The following KDM1A variants were observed in gnomAD, a reference collection of about 807,000 sequenced individuals.
The protein encoded by KDM1A is lysine-specific histone demethylase 1A.
A neutral mutation model predicts 109.4 loss-of-function variants in KDM1A; 49 were observed. The observed-to-expected ratio is 0.45, with a 90% CI of 0.36 to 0.57. KDM1A has a LOEUF of 0.57. Ranked by LOEUF, KDM1A falls within the 20% of genes least tolerant of loss-of-function variation. The pLI, the probability that KDM1A is intolerant of heterozygous loss-of-function variation, is 0.00. For missense variants in KDM1A, 668 were observed against 1,116.6 expected, an observed-to-expected ratio of 0.60 and a Z score of 5.73; for synonymous variants, 380 against 415.4, an observed-to-expected ratio of 0.91 and a Z score of 1.04.
Position 23,019,887 on chromosome 1 carries a change from G to A in KDM1A, c.291G>A (p.Met97Ile). The A allele has an allele frequency of 6.4e-7, 1 of 1,566,280 alleles. No individual in the cohort carries two copies. The highest frequency in any genetic ancestry group is 8.6e-7 in the Non-Finnish European group (1 of 1,159,086). Residue 97 changes from methionine to isoleucine, a missense_variant, in exon 1 of 21, where the codon ATG becomes ATA. By Grantham distance (10) the Met-to-Ile change is conservative (BLOSUM62 1). This residue lies in a region of KDM1A where 156 missense variants were observed against 163.4 expected (regional missense o/e 0.95). Coordinates refer to ENST00000400181, the MANE Select transcript of KDM1A (RefSeq NM_001009999.3). ...TCGTGCCTGGGTCTGCGACCCCCAT[G>A]GAAACTGGAATAGCAGAGACTCCGG... Reference protein sequence around the residue: ...PTVVPGSATPMETGIAETPEG... With the variant: ...PTVVPGSATPIETGIAETPEG...
chr1:23,028,956 G>A (rs1466180649), intron 1 of KDM1A, among the ~76,000 whole-genome samples: 2 of 152,110 alleles, frequency 1.3e-5, no homozygotes, highest in African/African-American at 4.8e-5. Context: ...ATTTGAGTAG[G>A]TGAATACAAT....
Position 23,059,173 on chromosome 1 carries a change from T to C in KDM1A, c.1167+6T>C. On this transcript the variant is annotated splice_donor_region_variant and intron_variant, in intron 9 of 20. Coordinates refer to ENST00000400181, the MANE Select transcript of KDM1A (RefSeq NM_001009999.3). The stretch of plus-strand genomic sequence containing the variant: ...ATGAAGCCAACGGACAAGCTGTAAG[T>C]CGAGGACAAACAGAACTTTCAACAT... 6.2e-7 allele frequency: 1 copy of C among 1,607,964 alleles called. No individual in the cohort carries two copies. The highest frequency in any genetic ancestry group is 8.5e-7 in the Non-Finnish European group (1 of 1,176,150).
At chr1:23,025,248 CA>C (rs1461036030) in intron 1 of KDM1A, among the ~76,000 whole-genome samples, 2 of 151,742 alleles carry the variant, frequency 1.3e-5, no homozygotes, top group Non-Finnish European at 2.9e-5. Context: ...TCCATTATGA[CA>C]AAAAGTTCTA....
intron 9 of KDM1A, among the ~76,000 whole-genome samples, chr1:23,064,910 A>G (rs767096110): frequency 3.8e-4 from 58 of 152,174 alleles, no homozygotes; most frequent in Non-Finnish European, 6.3e-4. Context: ...GTCAATCAAA[A>G]TCTGTTTAAA....
At chr1:23,023,378 T>G (rs116086480) in intron 1 of KDM1A, among the ~76,000 whole-genome samples, 3,795 of 152,290 alleles carry the variant, frequency 0.025, 154 homozygotes, top group African/African-American at 0.085. Flanking sequence ...CTTTTCTCAG[T>G]TAATTTTTGT....
chr1:23,082,449 G>C, intron 20 of KDM1A, 83 bp downstream of exon 20: 1 of 1,174,920 alleles, frequency 8.5e-7, no homozygotes, highest in Non-Finnish European at 1.2e-6. Flanking sequence ...TTTTTTTTCA[G>C]ATTTTAGTCA....
rs1029067921 is a variant in KDM1A, at chr1:23,059,088, C to G, written c.1088C>G (p.Ala363Gly). 2 of 1,610,744 alleles carry G rather than the reference C, an allele frequency of 1.2e-6. No individual in the cohort carries two copies. The highest frequency in any genetic ancestry group is 1.7e-6 in the Non-Finnish European group (2 of 1,178,788). ...VVTGLGGNPM[A>G]VVSKQVNMEL... ...TTTTTTCTAGGAGGGAATCCTATGG[C>G]TGTGGTCAGCAAACAAGTAAATATG... The change falls in exon 9 of 21, where the codon GCT (alanine) becomes GGT (glycine). Residue 363 changes from alanine (A) to glycine (G), a missense_variant. Ala to Gly is a moderately conservative substitution (Grantham distance 60). Transcript: ENST00000400181.
rs114424663 is a variant in KDM1A at position 23,032,384 on chromosome 1, C to T, written c.517+1750C>T. ...TTTTTTTTTTTTTTAATTTCATAAA[C>T]GTCAGGTATTGTTCCCACAAAAAGT... On this transcript the variant is annotated intron_variant, in intron 2 of 20. Coordinates refer to ENST00000400181, the MANE Select transcript of KDM1A (RefSeq NM_001009999.3). Among the ~76,000 whole-genome samples, 906 of 148,088 alleles carry T rather than the reference C, an allele frequency of 6.1e-3. 9 individuals are homozygous for T. Among genetic ancestry groups the T allele is most frequent in the African/African-American group, 0.021 (825 of 40,156 alleles).
At chr1:23,038,254 TTGTGTG>T (rs56016343) in intron 2 of KDM1A, among the ~76,000 whole-genome samples, 58,012 of 149,188 alleles carry the variant, frequency 0.39, 12,334 homozygotes, top group East Asian at 0.49. Flanking sequence ...CTGGAACTGT[TTGTGTG>T]TGTGTGTGTG....
intron 15 of KDM1A, among the ~76,000 whole-genome samples, chr1:23,076,698 G>T (rs939060720): frequency 6.6e-6 from 1 of 152,140 alleles, no homozygotes; most frequent in Admixed American, 6.6e-5. Flanking sequence ...AAGGCCGAGC[G>T]TGGTGGCTCA....
rs1415312194 is a variant in KDM1A, at chr1:23,019,633, G to A, written c.37G>A (p.Ala13Thr). ...GAAGAAGGCGGCAGCCGCGGCGGCG[G>A]CGGCTGCAGCGGCAGCAACCGGGAC... Reference protein sequence around the residue: ...SGKKAAAAAAAAAAAATGTEA... With the variant: ...SGKKAAAAAATAAAAATGTEA... Residue 13 changes from alanine (A) to threonine (T), a missense_variant, in exon 1 of 21, where the codon GCG becomes ACG. Transcript: ENST00000400181. The A allele has an allele frequency of 1.7e-5, 24 of 1,414,950 alleles. No homozygotes were observed. Among genetic ancestry groups the A allele is most frequent in the Non-Finnish European group, 2.1e-5 (23 of 1,092,048 alleles). The allele number at this position is 1,414,950 out of a possible 1,614,324, so 87.6% of individuals were successfully genotyped here.
At chr1:23,082,148 C>T (rs1022504506) in intron 19 of KDM1A, 72 bp from the exon 20 acceptor site, 2 of 1,540,094 alleles carry the variant, frequency 1.3e-6, no homozygotes, top group Admixed American at 1.8e-5. Context: ...CCCACCACTG[C>T]TTTTCCACCT....
chr1:23,044,364 A>G (rs769498258), intron 2 of KDM1A, 63 bp from the exon 3 acceptor site: 1 of 1,492,840 alleles, frequency 6.7e-7, no homozygotes, highest in Admixed American at 1.9e-5. Context: ...TTAGGCCTTT[A>G]TGTCCAGATA....
rs1270835698 is a variant in KDM1A at position 23,056,035 on chromosome 1, C to T, written c.987C>T (p.Ala329=). 5 of 1,607,300 alleles carry T rather than the reference C, an allele frequency of 3.1e-6. No individual in the cohort carries two copies. In the East Asian group the frequency reaches 1.1e-4, roughly 36 times the overall value. The part of the protein sequence containing the change: ...SFGMDVTLLE[A]RDRVGGRVAT... ...GAATGGATGTCACACTTTTGGAAGC[C>T]AGGGTAAGAATTTCATTTTGAGTTT... Residue 329 remains alanine (A), a synonymous_variant, in exon 7 of 21, where the codon GCC becomes GCT. Transcript: ENST00000400181.
intron 2 of KDM1A, among the ~76,000 whole-genome samples, chr1:23,037,047 C>T (rs1642167290): frequency 6.6e-6 from 1 of 151,806 alleles, no homozygotes; most frequent in Admixed American, 6.6e-5. Flanking sequence ...GAGGCCGAGG[C>T]AAGGGGATCA....
intron 12 of KDM1A, among the ~76,000 whole-genome samples, chr1:23,069,797 C>G (rs528658830): frequency 1.3e-5 from 2 of 152,244 alleles, no homozygotes; most frequent in Non-Finnish European, 2.9e-5. Flanking sequence ...GGGCTCTTCT[C>G]TGCCACCGCC....
At chr1:23,065,431 C>A (rs1200096742) in intron 9 of KDM1A, among the ~76,000 whole-genome samples, 1 of 152,116 alleles carries the variant, frequency 6.6e-6, no homozygotes. Context: ...TCCTAAGGGA[C>A]AAGTATTTTA....
At chr1:23,039,059 T>G (rs1237193584) in intron 2 of KDM1A, among the ~76,000 whole-genome samples, 2 of 152,238 alleles carry the variant, frequency 1.3e-5, no homozygotes, top group African/African-American at 2.4e-5. Flanking sequence ...CATGCATTTA[T>G]GACTGCTTCA....
chr1:23,073,898 C>G (rs563153512), intron 15 of KDM1A, among the ~76,000 whole-genome samples: 20 of 152,168 alleles, frequency 1.3e-4, no homozygotes, highest in Non-Finnish European at 2.6e-4. Flanking sequence ...ACCACTGGTG[C>G]CTTAATGGGC....
Sources: gnomAD v4.1 joint callset for allele counts (sites outside exome capture counted in the v4.1 genomes callset) on GRCh38, gnomAD v4.1.1 for gene constraint, gnomAD v4.1.1 regional missense constraint, MANE v1.5 for transcripts, NCBI Gene and HGNC (gene_info 2026-07-23, HGNC 2026-07-21) for gene names.